The following GALM variants were observed in gnomAD, a reference collection of about 807,000 sequenced individuals.
GALM encodes aldose 1-epimerase.
Under a neutral mutation model 37.4 loss-of-function variants are expected in GALM, and 43 were observed. That is an observed-to-expected ratio of 1.15 (90% confidence interval 0.90 to 1.48). The LOEUF (loss-of-function observed/expected upper bound fraction) is 1.48. Ranked by LOEUF, GALM falls within the 40% of genes most tolerant of loss-of-function variation. The pLI, the probability that GALM is intolerant of heterozygous loss-of-function variation, is 0.00. For synonymous variants in GALM, 199 were observed against 170.6 expected, an observed-to-expected ratio of 1.17 and a Z score of -1.30; for missense variants, 456 against 419.1, an observed-to-expected ratio of 1.09 and a Z score of -0.77.
chr2:38,696,050 A>G (rs1176511415), intron 4 of GALM, among the ~76,000 whole-genome samples: 1 of 151,614 alleles, frequency 6.6e-6, no homozygotes, highest in Non-Finnish European at 1.5e-5. Flanking sequence ...ATTTCTCATT[A>G]ATTTCACTTA....
At position 38,667,586 on chromosome 2, in the gene GALM, A is replaced by G. The variant is rs184763904; in HGVS notation, c.190+1235A>G. Reference sequence around the variant, plus strand: ...CTCTATCTTAAAAAACAGAGAGCAAATTTCAATTCCTCAGGGAAAAAAACA... The same window carrying G: ...CTCTATCTTAAAAAACAGAGAGCAAGTTTCAATTCCTCAGGGAAAAAAACA... On this transcript the variant is annotated intron_variant, in intron 1 of 6. Transcript: ENST00000272252. Among the ~76,000 whole-genome samples, 539 of 150,372 alleles carry G rather than the reference A, an allele frequency of 3.6e-3. 7 individuals are homozygous for G. The highest frequency in any genetic ancestry group is 1.6e-3 in the East Asian group (8 of 5,128).
At chr2:38,672,946 G>A (rs13032255) in intron 1 of GALM, among the ~76,000 whole-genome samples, 18,264 of 152,124 alleles carry the variant, frequency 0.12, 1,297 homozygotes, top group South Asian at 0.29. Context: ...GGAGGCGGAC[G>A]TTGCAGTGAG....
At chr2:38,699,426 G>A (rs982490730) in intron 4 of GALM, among the ~76,000 whole-genome samples, 18 of 152,134 alleles carry the variant, frequency 1.2e-4, no homozygotes, top group Non-Finnish European at 2.4e-4. Flanking sequence ...CTAGCTATTT[G>A]AAAATATACA....
chr2:38,733,701 T>C lies in GALM; in HGVS notation c.*136T>C. The C allele has an allele frequency of 1.4e-6, 1 of 719,078 alleles. No individual in the cohort carries two copies. Among genetic ancestry groups the C allele is most frequent in the Non-Finnish European group, 2.5e-6 (1 of 399,936 alleles). 44.5% of individuals were successfully genotyped at this position (719,078 alleles called of 1,614,324 possible). On this transcript the variant is annotated 3_prime_UTR_variant, in exon 7 of 7. Coordinates refer to ENST00000272252, the MANE Select transcript of GALM (RefSeq NM_138801.3). ...ATACAAATGGTGGCTGTTCTGAGAA[T>C]CAGTCTGGGTATTGATTTCCTTTTC...
intron 4 of GALM, among the ~76,000 whole-genome samples, chr2:38,714,018 T>TA (rs549158028): frequency 0.011 from 1,585 of 149,400 alleles, 26 homozygotes; most frequent in African/African-American, 0.035. Flanking sequence ...GACAACTAAA[T>TA]AAAAAAAAAA....
intron 4 of GALM, among the ~76,000 whole-genome samples, chr2:38,699,356 A>G (rs1254742155): frequency 2.6e-5 from 4 of 152,254 alleles, no homozygotes; most frequent in Non-Finnish European, 5.9e-5. Flanking sequence ...GGTAATTAGC[A>G]TATCCATCAC....
chr2:38,707,972 T>C (rs1258494532), intron 4 of GALM, among the ~76,000 whole-genome samples: 3 of 151,992 alleles, frequency 2.0e-5, no homozygotes, highest in Non-Finnish European at 4.4e-5. Context: ...CGAGGCGTGG[T>C]AGCACACACC....
At chr2:38,720,119 G>T (rs1308024028) in intron 4 of GALM, among the ~76,000 whole-genome samples, 1 of 152,006 alleles carries the variant, frequency 6.6e-6, no homozygotes, top group African/African-American at 2.4e-5. Flanking sequence ...GGCTGTAGTG[G>T]GAGGATCACC....
At chr2:38,724,666 T>G (rs1312295207) in intron 4 of GALM, among the ~76,000 whole-genome samples, 1 of 152,202 alleles carries the variant, frequency 6.6e-6, no homozygotes, top group Non-Finnish European at 1.5e-5. Context: ...ATTTTAGAAT[T>G]GTCCCAGTTT....
At chr2:38,716,166 G>C (rs757600191) in intron 4 of GALM, among the ~76,000 whole-genome samples, 4 of 152,188 alleles carry the variant, frequency 2.6e-5, no homozygotes, top group African/African-American at 7.2e-5. Context: ...TATCATTAGG[G>C]ACAATTTTCA....
chr2:38,711,617 G>C (rs986066782), intron 4 of GALM, among the ~76,000 whole-genome samples: 2 of 151,402 alleles, frequency 1.3e-5, no homozygotes. Context: ...ATAGCAAGGT[G>C]GTTAAGAACA....
At position 38,731,926 on chromosome 2, in the gene GALM, G is replaced by A. The variant is rs750905462; in HGVS notation, c.951+17G>A. On this transcript the variant is annotated intron_variant, in intron 6 of 6. Coordinates refer to ENST00000272252, the MANE Select transcript of GALM (RefSeq NM_138801.3). ...GTCAATCAGGTAATGCCACAGGCTGGCTTTTCAGAGTAGAGTTGTGTCCAA... is the reference window on the plus strand; with the variant it reads ...GTCAATCAGGTAATGCCACAGGCTGACTTTTCAGAGTAGAGTTGTGTCCAA... 1 of 1,609,986 alleles carries A rather than the reference G, an allele frequency of 6.2e-7. No homozygotes were observed. Among genetic ancestry groups the A allele is most frequent in the Admixed American group, 1.7e-5 (1 of 59,976 alleles).
intron 4 of GALM, among the ~76,000 whole-genome samples, chr2:38,718,606 T>G (rs1303137137): frequency 1.3e-5 from 2 of 151,978 alleles, no homozygotes; most frequent in Non-Finnish European, 2.9e-5. Flanking sequence ...TCTTTTTTCT[T>G]TTCTCCCTTA....
In GALM at chr2:38,733,965, C is replaced by G. The variant is rs769174287; in HGVS notation, c.*400C>G. On this transcript the variant is annotated 3_prime_UTR_variant, in exon 7 of 7. Transcript: ENST00000272252. ...CTCCTCCTTCACCTCCAACCACTGT[C>G]AGCAGCACTCTGGAGTTTTCAAATG... The G allele has an allele frequency of 1.4e-5, 4 of 291,786 alleles. No homozygotes were observed. Among genetic ancestry groups the G allele is most frequent in the Non-Finnish European group, 2.0e-5 (3 of 148,310 alleles). 18.1% of individuals were successfully genotyped at this position (291,786 alleles called of 1,614,324 possible). A position where few individuals can be genotyped will look rare whatever the true frequency, so the allele number is the denominator to read the frequency against.
chr2:38,708,441 T>G lies in GALM; in HGVS notation c.634+18547T>G, dbSNP rs139074133. 4.7e-3 allele frequency among the ~76,000 whole-genome samples: 711 copies of G among 152,196 alleles called. 22 individuals carry two copies. The East Asian group carries it at 0.065, about 14-fold the overall frequency. On this transcript the variant is annotated intron_variant, in intron 4 of 6. Coordinates refer to ENST00000272252, the MANE Select transcript of GALM (RefSeq NM_138801.3). ...ACCTCAGTGAGTTAACAGAAAGGAC[T>G]GGTATTGAAAGTGCTGTCGCCTGGG...
At chr2:38,689,648 C>G (rs1387013425) in intron 3 of GALM, among the ~76,000 whole-genome samples, 165 bp from the exon 4 acceptor site, 4 of 152,252 alleles carry the variant, frequency 2.6e-5, no homozygotes, top group Non-Finnish European at 5.9e-5. Flanking sequence ...ATTTTGAGGC[C>G]TTATCTACCT....
At chr2:38,711,508 C>T (rs1461960798) in intron 4 of GALM, among the ~76,000 whole-genome samples, 1 of 151,938 alleles carries the variant, frequency 6.6e-6, no homozygotes, top group Non-Finnish European at 1.5e-5. Context: ...TGTCAGCCAT[C>T]ATCCTTAAAT....
chr2:38,667,932 C>A (rs1479558121), intron 1 of GALM, among the ~76,000 whole-genome samples: 1 of 152,200 alleles, frequency 6.6e-6, no homozygotes, highest in East Asian at 1.9e-4. Flanking sequence ...GGGGTCCTGC[C>A]CCATACCCGG....
chr2:38,700,098 C>T (rs1367925708), intron 4 of GALM, among the ~76,000 whole-genome samples: 3 of 151,974 alleles, frequency 2.0e-5, no homozygotes, highest in Admixed American at 2.0e-4. Context: ...ATTACAGGTG[C>T]CCGCCACCAC....
Sources: allele counts gnomAD v4.1 joint callset (sites outside exome capture counted in the v4.1 genomes callset), GRCh38; gene constraint gnomAD v4.1.1; transcripts MANE v1.5; gene names NCBI Gene and HGNC (gene_info 2026-07-23, HGNC 2026-07-21).